Variants in TRANK1 observed in about 807,000 individuals in gnomAD.
The protein encoded by TRANK1 is tetratricopeptide repeat and ankyrin repeat containing 1.
In TRANK1, 198 loss-of-function variants were observed where a neutral mutation model predicts 266.0. The observed-to-expected ratio is 0.74, with a 90% CI of 0.66 to 0.84. The LOEUF is 0.84. Ranked by LOEUF, TRANK1 falls within the 40% of genes least tolerant of loss-of-function variation. TRANK1 has a pLI of 0.00. For synonymous variants in TRANK1, 1,396 were observed against 1,384.1 expected (o/e 1.01, Z -0.19); for missense variants, 3,326 against 3,634.6 (o/e 0.92, Z 2.18).
chr3:36,861,244 A>G, intron 10 of TRANK1, 84 bp from the exon 11 acceptor site: 1 of 1,435,118 alleles, frequency 7.0e-7, no homozygotes. Flanking sequence ...ACATCCATAT[A>G]TAATTAACAC....
At chr3:36,886,698 G>T (rs753016722) in intron 8 of TRANK1, among the ~76,000 whole-genome samples, 20 of 151,764 alleles carry the variant, frequency 1.3e-4, no homozygotes, top group Non-Finnish European at 2.9e-4. Context: ...GGATCACAAG[G>T]TCAGGAGATC....
chr3:36,905,548 T>C (rs1166131954), intron 2 of TRANK1, among the ~76,000 whole-genome samples: 2 of 152,176 alleles, frequency 1.3e-5, no homozygotes, highest in Admixed American at 6.5e-5. Context: ...TGTAGAACTT[T>C]GAAAAATAAA....
intron 1 of TRANK1, among the ~76,000 whole-genome samples, chr3:36,931,959 A>G (rs1405550651): frequency 1.3e-5 from 2 of 152,164 alleles, no homozygotes; most frequent in African/African-American, 4.8e-5. Flanking sequence ...AAAATTATTT[A>G]CCCTTATTGG....
At chr3:36,894,889 C>T (rs997367728) in intron 5 of TRANK1, among the ~76,000 whole-genome samples, 2 of 152,118 alleles carry the variant, frequency 1.3e-5, no homozygotes, top group African/African-American at 4.8e-5. Context: ...TAGCCTATCA[C>T]CAATGACGAC....
At chr3:36,887,219 A>G (rs2079620384) in intron 8 of TRANK1, among the ~76,000 whole-genome samples, 1 of 152,184 alleles carries the variant, frequency 6.6e-6, no homozygotes, top group Non-Finnish European at 1.5e-5. Flanking sequence ...TACTAGGCTA[A>G]TGTTAGCTTT....
intron 1 of TRANK1, among the ~76,000 whole-genome samples, chr3:36,916,227 G>A (rs1270418204): frequency 2.6e-5 from 4 of 152,056 alleles, no homozygotes; most frequent in African/African-American, 9.7e-5. Flanking sequence ...AGTGGCTACC[G>A]TATTGAACAG....
At chr3:36,858,995 A>T in intron 11 of TRANK1, 101 bp from the exon 12 acceptor site, 1 of 1,309,190 alleles carries the variant, frequency 7.6e-7, no homozygotes, top group Non-Finnish European at 1.0e-6. Context: ...GGGAAGAGCT[A>T]ATGTTTACCT....
intron 10 of TRANK1, among the ~76,000 whole-genome samples, chr3:36,863,266 A>G (rs1385900112): frequency 6.6e-6 from 1 of 152,218 alleles, no homozygotes; most frequent in African/African-American, 2.4e-5. Context: ...GAAAAGCAGC[A>G]TTCCCATCGA....
intron 1 of TRANK1, among the ~76,000 whole-genome samples, chr3:36,936,648 T>C (rs2080429456): frequency 6.6e-6 from 1 of 152,052 alleles, no homozygotes; most frequent in South Asian, 2.1e-4. Context: ...ATGAAGAGTG[T>C]AAACTCAGGC....
At chr3:36,941,007 A>G (rs780147420) in intron 1 of TRANK1, among the ~76,000 whole-genome samples, 11 of 152,326 alleles carry the variant, frequency 7.2e-5, no homozygotes, top group Middle Eastern at 3.4e-3. Flanking sequence ...GAGCTAGTCT[A>G]AGGGTGAGCA....
rs77142587 is a variant in TRANK1, at chr3:36,875,306, C to A, written c.908-1010G>T. Among the ~76,000 whole-genome samples, 23 of 152,324 alleles carry A rather than the reference C, an allele frequency of 1.5e-4. No individual in the cohort carries two copies. In the East Asian group the frequency reaches 4.4e-3, roughly 29 times the overall value. On this transcript the variant is annotated intron_variant, in intron 8 of 23. Coordinates refer to ENST00000645898, the MANE Select transcript of TRANK1 (RefSeq NM_001329998.2). ...TTCAGAGTATGAGAGGGATTTGATGCACAAGAAATTCTCCTCTGCTGGTTT... is the reference window on the plus strand; with the variant it reads ...TTCAGAGTATGAGAGGGATTTGATGAACAAGAAATTCTCCTCTGCTGGTTT...
intron 9 of TRANK1, among the ~76,000 whole-genome samples, chr3:36,866,161 A>T (rs1274140344): frequency 6.6e-6 from 1 of 152,218 alleles, no homozygotes; most frequent in African/African-American, 2.4e-5. Context: ...TTTTTTTATT[A>T]GGTATCAAAA....
chr3:36,863,432 A>G (rs1005906812), intron 10 of TRANK1, among the ~76,000 whole-genome samples: 2 of 152,236 alleles, frequency 1.3e-5, no homozygotes, highest in African/African-American at 4.8e-5. Context: ...CAGAATATCT[A>G]CATCTAATAG....
Position 36,879,691 on chromosome 3 carries a change from T to TATAA in TRANK1, c.908-5396_908-5395insTTAT, listed in dbSNP as rs2079456248. Among the ~76,000 whole-genome samples the TATAA allele has an allele frequency of 7.6e-5, 8 of 104,806 alleles. 1 individual carries two copies. Among genetic ancestry groups the TATAA allele is most frequent in the African/African-American group, 3.4e-4 (8 of 23,298 alleles). 68.8% of individuals were successfully genotyped at this position (104,806 alleles called of 152,430 possible). On this transcript the variant is annotated intron_variant, in intron 8 of 23. Coordinates refer to ENST00000645898, the MANE Select transcript of TRANK1 (RefSeq NM_001329998.2). The stretch of plus-strand genomic sequence containing the variant: ...ATATATAAATATATAAATATATAAA[T>TATAA]ATATAAATATAAATATAAATATATA...
intron 8 of TRANK1, chr3:36,880,054 A>ACAAATATATGTAAACATG (rs1336693171): frequency 0.04 from 455 of 11,348 alleles, 188 homozygotes; most frequent in Middle Eastern, 0.11. Flanking sequence ...ATGTAAACAT[A>ACAAATATATGTAAACATG]CAAATATATG....
chr3:36,907,689 C>A (rs894250841), intron 2 of TRANK1, among the ~76,000 whole-genome samples: 3 of 151,918 alleles, frequency 2.0e-5, no homozygotes, highest in African/African-American at 2.4e-5. Flanking sequence ...TGGTCTCGAT[C>A]TCCTGACCTC....
intron 1 of TRANK1, among the ~76,000 whole-genome samples, chr3:36,940,762 C>T (rs2080486299): frequency 6.6e-6 from 1 of 152,206 alleles, no homozygotes; most frequent in Admixed American, 6.5e-5. Context: ...TATATATTTA[C>T]ATCCTCCATA....
Position 36,833,314 on chromosome 3 carries a change from A to G in TRANK1, c.6269T>C (p.Ile2090Thr), listed in dbSNP as rs777340430. 3 of 1,613,876 alleles carry G rather than the reference A, an allele frequency of 1.9e-6. No individual in the cohort carries two copies. In the South Asian group the frequency reaches 3.3e-5, roughly 18 times the overall value. Residue 2090 changes from isoleucine (I) to threonine (T), a missense_variant, in exon 22 of 24, where the codon ATC becomes ACC. By Grantham distance (89) the Ile-to-Thr change is moderately conservative (BLOSUM62 -1). Transcript: ENST00000645898. ...ILGLAPGGLE[I>T]LLSLVRALKR... is the part of the protein sequence containing the mutation. ...GAGAGCCCTGACCAGACTGAGGAGG[A>G]TTTCCAAGCCCCCTGGAGCCAGGCC...
intron 10 of TRANK1, among the ~76,000 whole-genome samples, chr3:36,863,227 A>G (rs1337323695): frequency 1.3e-5 from 2 of 152,342 alleles, no homozygotes; most frequent in East Asian, 3.9e-4. Flanking sequence ...AGGCACAGGA[A>G]CACAGGCCAT....
Sources: allele counts gnomAD v4.1 joint callset (sites outside exome capture counted in the v4.1 genomes callset), GRCh38; gene constraint gnomAD v4.1.1; transcripts MANE v1.5; gene names NCBI Gene and HGNC (gene_info 2026-07-23, HGNC 2026-07-21).